Variants in ATAD3B observed in about 807,000 individuals in gnomAD.
ATAD3B encodes the protein ATPase family AAA domain-containing protein 3B.
Under a neutral mutation model 70.2 loss-of-function variants are expected in ATAD3B, and 59 were observed. The ratio of observed to expected loss-of-function variants is 0.84; its 90% CI spans 0.68 to 1.04. ATAD3B has a LOEUF of 1.04. Ranked by LOEUF, ATAD3B falls within the 50% of genes least tolerant of loss-of-function variation. The probability of loss-of-function intolerance (pLI) is 0.00; values close to 1 mark genes in which losing one functional copy is unlikely to be tolerated. For synonymous variants in ATAD3B, 423 were observed against 388.6 expected (o/e 1.09, Z -1.04); for missense variants, 961 against 913.4 (o/e 1.05, Z -0.67).
intron 12 of ATAD3B, among the ~76,000 whole-genome samples, chr1:1,488,868 A>G (rs1640377459): frequency 1.3e-5 from 2 of 151,548 alleles, no homozygotes; most frequent in Non-Finnish European, 2.9e-5. Flanking sequence ...TTTTTTAGCA[A>G]TTCTCATGCC....
chr1:1,506,288 G>A, the ATAD3B span, among the ~76,000 whole-genome samples: 1 of 152,012 alleles, frequency 6.6e-6, no homozygotes, highest in Admixed American at 6.6e-5. Flanking sequence ...ATCCCTAGAG[G>A]TTCCATATCA....
chr1:1,499,403 C>CT (rs1242550080), downstream of ATAD3B, among the ~76,000 whole-genome samples: 1 of 140,220 alleles, frequency 7.1e-6, no homozygotes, highest in African/African-American at 2.7e-5. Flanking sequence ...CGCCCAGCTA[C>CT]TTTTTGTATT....
At chr1:1,504,179 G>C in the ATAD3B span, among the ~76,000 whole-genome samples, 1 of 151,476 alleles carries the variant, frequency 6.6e-6, no homozygotes, top group Non-Finnish European at 1.5e-5. Flanking sequence ...GTAGAGACGG[G>C]TTCACCATGT....
At chr1:1,497,997 C>G (rs1430998686), downstream of ATAD3B, 1 of 151,096 alleles carries the variant, frequency 6.6e-6, no homozygotes, top group East Asian at 2.0e-4. Context: ...GAAACCCCAT[C>G]TCTACAAAAA....
At chr1:1,488,029 G>C (rs544408120) in intron 12 of ATAD3B, 115 bp downstream of exon 12, 42 of 1,412,184 alleles carry the variant, frequency 3.0e-5, no homozygotes, top group Non-Finnish European at 3.5e-5. Context: ...ATCTTGGCTC[G>C]CTGCAACCTC....
Position 1,482,546 on chromosome 1 carries a change from A to G in ATAD3B, c.682A>G (p.Thr228Ala). The G allele has an allele frequency of 3.7e-6, 6 of 1,613,354 alleles. No homozygotes were observed. The highest frequency in any genetic ancestry group is 5.1e-6 in the Non-Finnish European group (6 of 1,179,534). Residue 228 changes from threonine to alanine, a missense_variant and splice_region_variant, in exon 7 of 16, where the codon ACG (threonine) becomes GCG (alanine). Coordinates refer to ENST00000673477, the MANE Select transcript of ATAD3B (RefSeq NM_031921.6). ...HRQTVLESIR[T>A]AGTLFGEGFR... ...GTCACACCACTGCTTTCCCCGCAGG[A>G]CGGCTGGCACCTTGTTTGGGGAAGG...
In ATAD3B at chr1:1,495,548, G is replaced by C. The variant is rs1473618300; in HGVS notation, c.1678G>C (p.Asp560His). ...TEAMMDACVQ[D>H]AVQQYRQKMR... ...GGCCATGATGGACGCCTGTGTGCAA[G>C]ATGCTGTCCAGCAGTACCGACAGAA... The change falls in exon 16 of 16, where the codon GAT becomes CAT. Residue 560 changes from aspartate to histidine, a missense_variant. Coordinates refer to ENST00000673477, the MANE Select transcript of ATAD3B (RefSeq NM_031921.6). The C allele has an allele frequency of 6.2e-7, 1 of 1,612,980 alleles. No individual in the cohort carries two copies. The highest frequency in any genetic ancestry group is 2.2e-5 in the East Asian group (1 of 44,892).
Position 1,479,418 on chromosome 1 carries a change from A to G in ATAD3B, c.444+310A>G, listed in dbSNP as rs563010520. ...TGGGCACACACACACCCCTGCACAC[A>G]CGGGCCCACACACTCCCCTGCACAC... On this transcript the variant is annotated intron_variant, in intron 4 of 15. Transcript: ENST00000673477. 6.4e-5 allele frequency among the ~76,000 whole-genome samples: 9 copies of G among 141,670 alleles called. 1 individual carries two copies. In the South Asian group the frequency reaches 1.4e-3, roughly 23 times the overall value. The allele number at this position is 141,670 out of a possible 152,430, so 92.9% of individuals were successfully genotyped here.
downstream of ATAD3B, among the ~76,000 whole-genome samples, chr1:1,500,116 G>A (rs927662727): frequency 2.2e-4 from 32 of 146,890 alleles, no homozygotes; most frequent in African/African-American, 7.8e-4. Context: ...AAGGCTGGTT[G>A]CAAACTCCTG....
chr1:1,472,817 T>C (rs1277299882), intron 1 of ATAD3B, among the ~76,000 whole-genome samples: 1 of 152,006 alleles, frequency 6.6e-6, no homozygotes, highest in Non-Finnish European at 1.5e-5. Flanking sequence ...TCAACTCTTG[T>C]TTAAGCCGGG....
intron 1 of ATAD3B, among the ~76,000 whole-genome samples, chr1:1,473,162 A>G (rs565111815): frequency 1.3e-5 from 1 of 77,832 alleles, no homozygotes; most frequent in African/African-American, 5.8e-5. Context: ...TTTTTTTGAG[A>G]TGAGTCTCGC....
intron 2 of ATAD3B, chr1:1,478,221 T>C: frequency 2.2e-6 from 1 of 462,704 alleles, no homozygotes; most frequent in South Asian, 2.6e-5. Context: ...GGTCTTGAAC[T>C]CCTGACCTCA....
chr1:1,489,840 C>T (rs1640435137), intron 13 of ATAD3B: 1 of 1,231,028 alleles, frequency 8.1e-7, no homozygotes, highest in Non-Finnish European at 1.0e-6. Flanking sequence ...AGGCTGGGGC[C>T]CTGCTGAGCC....
rs1462418129 is a variant in ATAD3B, at chr1:1,492,950, AAAAG to A, written c.1614+2287_1614+2290del. The stretch of plus-strand genomic sequence containing the variant: ...CGATACTCCATCTCCAAAAAAAAAA[AAAAG>A]AAAGAAATTAACCTGGTGTGGTAGC... On this transcript the variant is annotated intron_variant, in intron 15 of 15. Transcript: ENST00000673477. Among the ~76,000 whole-genome samples the A allele has an allele frequency of 2.4e-3, 360 of 150,676 alleles. 1 individual carries two copies. The highest frequency in any genetic ancestry group is 6.8e-3 in the Middle Eastern group (2 of 294).
rs535941877 is a variant in ATAD3B at position 1,482,366 on chromosome 1, C to A, written c.680+63C>A. On this transcript the variant is annotated intron_variant, in intron 6 of 15. Transcript: ENST00000673477. ...GCCCCGCAGGTGTGAGTCGCTGGTC[C>A]CAGGGCGCTCTCCAGCTCTTCCAGG... is the stretch of plus-strand genomic sequence containing the variant. The A allele has an allele frequency of 1.0e-5, 16 of 1,566,572 alleles. No individual in the cohort carries two copies. In the Admixed American group the frequency reaches 1.1e-4, roughly 11 times the overall value.
At chr1:1,490,216 C>T (rs1640459408) in intron 13 of ATAD3B, 41 bp from the exon 14 acceptor site, 1 of 1,597,686 alleles carries the variant, frequency 6.3e-7, no homozygotes, top group East Asian at 2.2e-5. Flanking sequence ...GGCATCTCAG[C>T]TGGCAGCCCC....
At position 1,485,819 on chromosome 1, in the gene ATAD3B, TGG is replaced by T. The variant is rs1557806728; in HGVS notation, c.945_946del (p.Glu316GlyfsTer5). The T allele has an allele frequency of 6.2e-7, 1 of 1,613,050 alleles. No individual in the cohort carries two copies. On this transcript the variant is annotated frameshift_variant, in exon 9 of 16. Coordinates refer to ENST00000673477, the MANE Select transcript of ATAD3B (RefSeq NM_031921.6). LOFTEE classifies it high-confidence loss of function. Reference sequence around the variant, plus strand: ...CTCCTCAGTCGACCCCAGGACGTGCTGGAGGGTGTTGTGCTTAGTGTAAGTCG... The same window carrying T: ...CTCCTCAGTCGACCCCAGGACGTGCTAGGGTGTTGTGCTTAGTGTAAGTCG...
At chr1:1,501,174 C>T (rs1449250743), downstream of ATAD3B, among the ~76,000 whole-genome samples, 2 of 151,286 alleles carry the variant, frequency 1.3e-5, no homozygotes, top group South Asian at 2.1e-4. Flanking sequence ...GTGCAACCTC[C>T]ACCTCCTGAG....
rs141143061 is a variant in ATAD3B, at chr1:1,482,547, C to G, written c.683C>G (p.Thr228Arg). 3 of 1,613,368 alleles carry G rather than the reference C, an allele frequency of 1.9e-6. No individual in the cohort carries two copies. The highest frequency in any genetic ancestry group is 2.2e-5 in the South Asian group (2 of 90,998). ...TCACACCACTGCTTTCCCCGCAGGA[C>G]GGCTGGCACCTTGTTTGGGGAAGGA... Reference protein sequence around the residue: ...HRQTVLESIRTAGTLFGEGFR... With the variant: ...HRQTVLESIRRAGTLFGEGFR... Residue 228 changes from threonine (T) to arginine (R), a missense_variant and splice_region_variant, in exon 7 of 16, where the codon ACG becomes AGG. Coordinates refer to ENST00000673477, the MANE Select transcript of ATAD3B (RefSeq NM_031921.6).
Sources: allele counts gnomAD v4.1 joint callset (sites outside exome capture counted in the v4.1 genomes callset), GRCh38; gene constraint gnomAD v4.1.1; transcripts MANE v1.5; gene names NCBI Gene and HGNC (gene_info 2026-07-23, HGNC 2026-07-21).